The following CEP170 variants were observed in gnomAD, a reference collection of about 807,000 sequenced individuals.
CEP170 encodes the protein centrosomal protein of 170 kDa.
CEP170 carries 21 observed loss-of-function variants against 151.9 expected under a neutral mutation model. The observed-to-expected ratio is 0.14, with a 90% CI of 0.10 to 0.20. The LOEUF (loss-of-function observed/expected upper bound fraction) is 0.20. Ranked by LOEUF, CEP170 falls within the 10% of genes least tolerant of loss-of-function variation. CEP170 has a pLI of 1.00. For missense variants in CEP170, 964 were observed against 1,892.9 expected, an observed-to-expected ratio of 0.51 and a Z score of 9.11; for synonymous variants, 356 against 648.8, an observed-to-expected ratio of 0.55 and a Z score of 6.86.
intron 7 of CEP170, among the ~76,000 whole-genome samples, chr1:243,195,190 T>C (rs1454195166): frequency 1.3e-5 from 2 of 151,546 alleles, no homozygotes; most frequent in African/African-American, 4.8e-5. Flanking sequence ...ACTTGAAAAT[T>C]TCCAAATTTA....
chr1:243,145,793 G>T (rs1296142640), intron 14 of CEP170, among the ~76,000 whole-genome samples: 7 of 152,160 alleles, frequency 4.6e-5, no homozygotes, highest in Non-Finnish European at 8.8e-5. Flanking sequence ...CATGGGCTAA[G>T]AGATCATAAC....
At chr1:243,136,110 T>C (rs1283483728) in intron 17 of CEP170, 33 bp downstream of exon 17, 2 of 1,535,680 alleles carry the variant, frequency 1.3e-6, no homozygotes, top group Non-Finnish European at 8.8e-7. Flanking sequence ...CAAAGTGAGG[T>C]GATATTAAAG....
chr1:243,211,761 A>G (rs1030831082), intron 4 of CEP170, 125 bp downstream of exon 4: 1 of 1,083,648 alleles, frequency 9.2e-7, no homozygotes, highest in Non-Finnish European at 1.4e-6. Context: ...TAGTATAGGA[A>G]TGCACCCAAT....
chr1:243,185,663 TA>T lies in CEP170; in HGVS notation c.1566+115del. The T allele has an allele frequency of 7.1e-7, 1 of 1,415,134 alleles. No homozygotes were observed. The highest frequency in any genetic ancestry group is 9.5e-7 in the Non-Finnish European group (1 of 1,049,070). The allele number at this position is 1,415,134 out of a possible 1,614,324, so 87.7% of individuals were successfully genotyped here. On this transcript the variant is annotated intron_variant, in intron 10 of 19. Coordinates refer to ENST00000366542, the MANE Select transcript of CEP170 (RefSeq NM_014812.3). This position sits in a 1 kb window ranked among gnomAD's most constrained non-coding sequence, Gnocchi z 4.9. ...GTCTTGCAGTTCCCTAACAAAACCC[TA>T]AAATTCACATACCACTGACTGCATG...
At chr1:243,181,481 T>C (rs1034511146) in intron 10 of CEP170, among the ~76,000 whole-genome samples, 1 of 152,168 alleles carries the variant, frequency 6.6e-6, no homozygotes, top group African/African-American at 2.4e-5. Flanking sequence ...ATCTCATAAC[T>C]TGGCGACAGA....
intron 1 of CEP170, among the ~76,000 whole-genome samples, chr1:243,248,662 T>C (rs2065646328): frequency 6.6e-6 from 1 of 152,238 alleles, no homozygotes; most frequent in Non-Finnish European, 1.5e-5. Flanking sequence ...AAGCCATTAA[T>C]GTCTCTTAAA....
chr1:243,228,032 GTTCT>G (rs1391486227), intron 1 of CEP170, among the ~76,000 whole-genome samples: 15 of 152,110 alleles, frequency 9.9e-5, no homozygotes, highest in Non-Finnish European at 2.2e-4. Flanking sequence ...TTGCACTCAA[GTTCT>G]TTCTTATGAA....
At chr1:243,184,238 A>C (rs1330835809) in intron 10 of CEP170, among the ~76,000 whole-genome samples, 2 of 152,056 alleles carry the variant, frequency 1.3e-5, no homozygotes, top group African/African-American at 4.8e-5. Flanking sequence ...AGATAAAAGA[A>C]ACTGAGGCTT....
chr1:243,213,636 T>C (rs985519784), intron 3 of CEP170, among the ~76,000 whole-genome samples: 5 of 152,202 alleles, frequency 3.3e-5, no homozygotes, highest in African/African-American at 1.2e-4. Context: ...GAAATTTTCA[T>C]CTAGTTAGTC....
chr1:243,142,215 G>C, intron 15 of CEP170, 101 bp downstream of exon 15: 1 of 1,590,650 alleles, frequency 6.3e-7, no homozygotes, highest in South Asian at 1.2e-5. Context: ...CATGCAAACA[G>C]GGAGGGTGGA....
chr1:243,188,460 A>T (rs1042250181), intron 8 of CEP170, among the ~76,000 whole-genome samples: 1 of 152,178 alleles, frequency 6.6e-6, no homozygotes, highest in Non-Finnish European at 1.5e-5. Flanking sequence ...ACAAGTCAAC[A>T]TCTCATCACA....
intron 14 of CEP170, among the ~76,000 whole-genome samples, chr1:243,145,433 C>A (rs2056350296): frequency 6.6e-6 from 1 of 152,168 alleles, no homozygotes; most frequent in South Asian, 2.1e-4. Flanking sequence ...CACCACCACG[C>A]CCGGCTAATT....
intron 2 of CEP170, 114 bp from the exon 3 acceptor site, chr1:243,221,927 G>A (rs1218275107): frequency 3.4e-6 from 3 of 873,556 alleles, no homozygotes; most frequent in East Asian, 5.9e-5. Context: ...AAATATCAAA[G>A]TAAGTGTGGA....
rs2064950321 is a variant in CEP170, at chr1:243,242,487, G to C, written c.-42+12553C>G. ...CCTGCCTCGGCCTCCCAAAGTGCTG[G>C]GATCACAGGTGTGAGCCACCACGCC... On this transcript the variant is annotated intron_variant, in intron 1 of 19. Transcript: ENST00000366542. Among the ~76,000 whole-genome samples the C allele has an allele frequency of 1.3e-5, 2 of 151,952 alleles. 1 individual carries two copies. Among genetic ancestry groups the C allele is most frequent in the Admixed American group, 1.3e-4 (2 of 15,250 alleles).
At chr1:243,151,906 T>C (rs559011760) in intron 14 of CEP170, among the ~76,000 whole-genome samples, 58 of 152,292 alleles carry the variant, frequency 3.8e-4, no homozygotes, top group African/African-American at 1.4e-3. Flanking sequence ...GACTTTATGT[T>C]GGAAGCCAAT....
chr1:243,246,556 A>G (rs2065420878), intron 1 of CEP170, among the ~76,000 whole-genome samples: 1 of 152,206 alleles, frequency 6.6e-6, no homozygotes, highest in African/African-American at 2.4e-5. Flanking sequence ...TTAAAAATAC[A>G]TTTAATTTTC....
intron 1 of CEP170, among the ~76,000 whole-genome samples, chr1:243,250,523 A>C (rs535033501): frequency 3.9e-5 from 6 of 152,364 alleles, no homozygotes; most frequent in Admixed American, 3.9e-4. Flanking sequence ...CCAATTTTTC[A>C]GAAAACAAAT....
chr1:243,126,054 A>G lies in CEP170; in HGVS notation c.*395T>C. The stretch of plus-strand genomic sequence containing the variant: ...CAAATCTGTACAGATGAAGAAGTCC[A>G]TTTCAGGGAGCAGCTTGGCACAGGA... On this transcript the variant is annotated 3_prime_UTR_variant, in exon 20 of 20. Transcript: ENST00000366542. The G allele has an allele frequency of 6.6e-6, 3 of 457,074 alleles. No homozygotes were observed. The highest frequency in any genetic ancestry group is 8.8e-6 in the Non-Finnish European group (2 of 227,982). 28.3% of individuals were successfully genotyped at this position (457,074 alleles called of 1,614,324 possible). A position where few individuals can be genotyped will look rare whatever the true frequency, so the allele number is the denominator to read the frequency against.
At chr1:243,222,750 C>T (rs768004223) in intron 2 of CEP170, among the ~76,000 whole-genome samples, 2 of 152,094 alleles carry the variant, frequency 1.3e-5, no homozygotes, top group African/African-American at 2.4e-5. Context: ...AACTGAAAAC[C>T]AAAAACTCAT....
Sources: allele counts gnomAD v4.1 joint callset (sites outside exome capture counted in the v4.1 genomes callset), GRCh38; gene constraint gnomAD v4.1.1; non-coding constraint Gnocchi (gnomAD v3.1); transcripts MANE v1.5; gene names NCBI Gene and HGNC (gene_info 2026-07-23, HGNC 2026-07-21).